CDH13: variants seen among roughly 807,000 people sequenced by gnomAD.
CDH13 encodes cadherin 13.
Under a neutral mutation model 63.8 loss-of-function variants are expected in CDH13, and 24 were observed. That is an observed-to-expected ratio of 0.38 (90% CI 0.27 to 0.53). The LOEUF (loss-of-function observed/expected upper bound fraction) is 0.53, where lower values mean the gene tolerates loss of function less well. CDH13 is among the 20% of genes least tolerant of loss of function. CDH13 has a pLI of 0.85. For synonymous variants in CDH13, 503 were observed against 355.3 expected (o/e 1.42, Z -4.67); for missense variants, 1,049 against 903.1 (o/e 1.16, Z -2.07).
rs189965190 is a variant in CDH13, at chr16:83,345,010, T to C, written c.781+4T>C. 1 of 1,613,612 alleles carries C rather than the reference T, an allele frequency of 6.2e-7. No individual in the cohort carries two copies. Among genetic ancestry groups the C allele is most frequent in the Non-Finnish European group, 8.5e-7 (1 of 1,179,632 alleles). On this transcript the variant is annotated splice_donor_region_variant and intron_variant, in intron 6 of 13. Coordinates refer to ENST00000567109, the MANE Select transcript of CDH13 (RefSeq NM_001257.5). Reference sequence around the variant, plus strand: ...GTCATGGAAGGGTCACCCACAGGTATGTCACATTGGCTTACCTTTAGCGTA... The same window carrying C: ...GTCATGGAAGGGTCACCCACAGGTACGTCACATTGGCTTACCTTTAGCGTA...
chr16:82,842,646 G>C (rs1031177984), intron 1 of CDH13, among the ~76,000 whole-genome samples: 1 of 152,108 alleles, frequency 6.6e-6, no homozygotes, highest in Non-Finnish European at 1.5e-5. Flanking sequence ...ATGTACCAGG[G>C]ACATGGGGGA....
At chr16:82,819,919 G>C (rs1226227332) in intron 1 of CDH13, among the ~76,000 whole-genome samples, 1 of 152,126 alleles carries the variant, frequency 6.6e-6, no homozygotes, top group Admixed American at 6.6e-5. Flanking sequence ...GCCGAATGAG[G>C]GCTAGATGGA....
At chr16:82,910,865 A>C (rs901638840) in intron 2 of CDH13, among the ~76,000 whole-genome samples, 5 of 152,174 alleles carry the variant, frequency 3.3e-5, no homozygotes, top group African/African-American at 9.7e-5. Flanking sequence ...CAGAGGGTCA[A>C]CAGTGCCACA....
intron 3 of CDH13, among the ~76,000 whole-genome samples, chr16:83,111,684 A>G (rs2035064756): frequency 6.6e-6 from 1 of 152,214 alleles, no homozygotes; most frequent in Non-Finnish European, 1.5e-5. Context: ...TGGAGTTGAG[A>G]TGAGAAGCAG....
At chr16:83,280,896 A>T (rs2089149934) in intron 5 of CDH13, among the ~76,000 whole-genome samples, 1 of 152,214 alleles carries the variant, frequency 6.6e-6, no homozygotes. Flanking sequence ...CTGAGCAGTA[A>T]GTCTGAGCAG....
chr16:83,156,828 C>T (rs1420204045), intron 4 of CDH13, among the ~76,000 whole-genome samples: 1 of 152,148 alleles, frequency 6.6e-6, no homozygotes, highest in African/African-American at 2.4e-5. Flanking sequence ...TATACTAATT[C>T]AGAGGCTTGC....
Position 83,067,793 on chromosome 16 carries a change from C to G in CDH13, c.366+35575C>G, listed in dbSNP as rs9923244. Among the ~76,000 whole-genome samples, 397 of 152,250 alleles carry G rather than the reference C, an allele frequency of 2.6e-3. 3 individuals carry two copies. Among genetic ancestry groups the G allele is most frequent in the African/African-American group, 9.0e-3 (375 of 41,548 alleles). Reference sequence around the variant, plus strand: ...GTAGTAATCTCTCTTGGTTCCTCTCCTTCCGTCAGCCTGCTGTTCCTGCCC... The same window carrying G: ...GTAGTAATCTCTCTTGGTTCCTCTCGTTCCGTCAGCCTGCTGTTCCTGCCC... On this transcript the variant is annotated intron_variant, in intron 3 of 13. Transcript: ENST00000567109.
chr16:83,374,661 A>G (rs1265177119), intron 6 of CDH13, among the ~76,000 whole-genome samples: 1 of 152,220 alleles, frequency 6.6e-6, no homozygotes, highest in Non-Finnish European at 1.5e-5. Flanking sequence ...TAAAGAAAGT[A>G]CCTTGCGCTG....
chr16:82,852,687 A>T (rs543196015), intron 1 of CDH13, among the ~76,000 whole-genome samples: 4 of 152,330 alleles, frequency 2.6e-5, no homozygotes, highest in African/African-American at 9.6e-5. Flanking sequence ...TGCCAACTCG[A>T]ATGCCTAGAT....
intron 2 of CDH13, among the ~76,000 whole-genome samples, chr16:82,866,300 G>C (rs2040135544): frequency 2.7e-5 from 4 of 150,636 alleles, no homozygotes; most frequent in African/African-American, 9.8e-5. Flanking sequence ...CCTCATTTTT[G>C]GGTATCCTTA....
rs1198325607 is a variant in CDH13 at position 82,894,597 on chromosome 16, G to T, written c.157+36124G>T. 2.0e-4 allele frequency among the ~76,000 whole-genome samples: 31 copies of T among 152,154 alleles called. 1 individual carries two copies. The highest frequency in any genetic ancestry group is 2.0e-3 in the Admixed American group (31 of 15,266). ...ACAGAGGTTGCAGTGAGCCAAGATT[G>T]TGCCACTGCACTCCAGCCTGGGCAA... On this transcript the variant is annotated intron_variant, in intron 2 of 13. Transcript: ENST00000567109.
chr16:83,234,702 G>A (rs1722227547), intron 5 of CDH13, among the ~76,000 whole-genome samples: 1 of 152,198 alleles, frequency 6.6e-6, no homozygotes, highest in Admixed American at 6.5e-5. Context: ...CACATTTGTA[G>A]CCCTACCCCC....
At chr16:82,795,124 A>G (rs889645266) in intron 1 of CDH13, among the ~76,000 whole-genome samples, 5 of 152,304 alleles carry the variant, frequency 3.3e-5, no homozygotes, top group South Asian at 4.1e-4. Flanking sequence ...TAGTGTGGGA[A>G]GGAGTCCATC....
intron 2 of CDH13, among the ~76,000 whole-genome samples, chr16:82,966,519 C>T (rs1308630872): frequency 6.6e-6 from 1 of 152,180 alleles, no homozygotes; most frequent in South Asian, 2.1e-4. Context: ...TTCATCACTG[C>T]CAGTCAATCT....
intron 6 of CDH13, among the ~76,000 whole-genome samples, chr16:83,458,968 G>A (rs1489046969): frequency 6.6e-6 from 1 of 152,226 alleles, no homozygotes; most frequent in Non-Finnish European, 1.5e-5. Flanking sequence ...TACAGATGAT[G>A]AAACGACAAT....
At chr16:83,006,446 G>A (rs920099372) in intron 2 of CDH13, among the ~76,000 whole-genome samples, 1 of 152,142 alleles carries the variant, frequency 6.6e-6, no homozygotes, top group African/African-American at 2.4e-5. Context: ...GCCAAAGCTT[G>A]CCTTTCAGGG....
chr16:83,411,433 C>T (rs2092124311), intron 6 of CDH13, among the ~76,000 whole-genome samples: 1 of 152,160 alleles, frequency 6.6e-6, no homozygotes, highest in Non-Finnish European at 1.5e-5. Flanking sequence ...ACCAAGAGCT[C>T]CATGAAAGCA....
At chr16:83,389,535 C>T (rs59470364) in intron 6 of CDH13, among the ~76,000 whole-genome samples, 59,519 of 152,006 alleles carry the variant, frequency 0.39, 13,577 homozygotes, top group African/African-American at 0.65. Context: ...CATTCTTCTC[C>T]TCCTCAATCC....
At chr16:83,690,320 C>A (rs143314123) in intron 10 of CDH13, among the ~76,000 whole-genome samples, 19 of 152,238 alleles carry the variant, frequency 1.2e-4, no homozygotes, top group African/African-American at 4.6e-4. Flanking sequence ...AGGAGGGGAG[C>A]CATCACTCTA....
Sources: gnomAD v4.1 joint callset for allele counts (sites outside exome capture counted in the v4.1 genomes callset) on GRCh38, gnomAD v4.1.1 for gene constraint, MANE v1.5 for transcripts, NCBI Gene and HGNC (gene_info 2026-07-23, HGNC 2026-07-21) for gene names.